PPP3CA: variants seen among roughly 807,000 people sequenced by gnomAD.
PPP3CA encodes protein phosphatase 3 catalytic subunit alpha, also known as CAM-PRP catalytic subunit.
A neutral mutation model predicts 66.5 loss-of-function variants in PPP3CA; 14 were observed. That is an observed-to-expected ratio of 0.21 (90% CI 0.14 to 0.33). The LOEUF (loss-of-function observed/expected upper bound fraction) is 0.33. Among genes scored for constraint, PPP3CA ranks in the 10% least tolerant of loss-of-function variants. The pLI, the probability that PPP3CA is intolerant of heterozygous loss-of-function variation, is 1.00. For synonymous variants in PPP3CA, 232 were observed against 226.2 expected, an observed-to-expected ratio of 1.03 and a Z score of -0.23; for missense variants, 317 against 639.5, an observed-to-expected ratio of 0.50 and a Z score of 5.44.
chr4:101,257,289 C>G (rs1726875156), intron 1 of PPP3CA, among the ~76,000 whole-genome samples: 1 of 149,664 alleles, frequency 6.7e-6, no homozygotes, highest in Non-Finnish European at 1.5e-5. Context: ...TACCTCCACC[C>G]TGGATTAGGG....
chr4:101,333,905 G>GT (rs1221409291), intron 1 of PPP3CA, among the ~76,000 whole-genome samples: 1 of 152,158 alleles, frequency 6.6e-6, no homozygotes, highest in African/African-American at 2.4e-5. Flanking sequence ...ACACTGGACA[G>GT]TAACCTTCAG....
intron 1 of PPP3CA, among the ~76,000 whole-genome samples, chr4:101,289,168 C>T (rs958628636): frequency 1.3e-5 from 2 of 152,092 alleles, no homozygotes; most frequent in African/African-American, 2.4e-5. Flanking sequence ...AAAGTTACAA[C>T]AAAAATAACT....
At chr4:101,266,876 T>C (rs991271999) in intron 1 of PPP3CA, among the ~76,000 whole-genome samples, 44 of 152,212 alleles carry the variant, frequency 2.9e-4, no homozygotes, top group Admixed American at 2.9e-3. Flanking sequence ...TCATTATTGA[T>C]TACTGATACT....
At chr4:101,172,566 CT>C (rs968737534) in intron 2 of PPP3CA, among the ~76,000 whole-genome samples, 23 of 152,228 alleles carry the variant, frequency 1.5e-4, no homozygotes, top group African/African-American at 5.1e-4. Flanking sequence ...ACTTTCCTTT[CT>C]TTTAAAATCT....
chr4:101,127,820 A>C (rs762966224), intron 2 of PPP3CA, among the ~76,000 whole-genome samples: 1 of 150,742 alleles, frequency 6.6e-6, no homozygotes, highest in Non-Finnish European at 1.5e-5. Context: ...TTTTGGATGA[A>C]ATAGTTCAAT....
intron 1 of PPP3CA, among the ~76,000 whole-genome samples, chr4:101,216,001 A>G (rs1004968587): frequency 6.6e-6 from 1 of 152,142 alleles, no homozygotes; most frequent in Admixed American, 6.6e-5. Flanking sequence ...AATTTGGAAC[A>G]TCTTGTATTA....
chr4:101,025,845 A>AAATTT lies in PPP3CA; in HGVS notation c.*19_*20insAAATT. On this transcript the variant is annotated 3_prime_UTR_variant, in exon 14 of 14. Coordinates refer to ENST00000394854, the MANE Select transcript of PPP3CA (RefSeq NM_000944.5). Reference sequence around the variant, plus strand: ...CAAAAAAAAAAAAAAAAAAAAAAAAAAAAAGTGAACAGGAAGTGGTCACTG... The same window carrying AAATTT: ...CAAAAAAAAAAAAAAAAAAAAAAAAAAATTTAAAAGTGAACAGGAAGTGGTCACTG... The AAATTT allele has an allele frequency of 7.0e-7, 1 of 1,428,964 alleles. No homozygotes were observed. Among genetic ancestry groups the AAATTT allele is most frequent in the Non-Finnish European group, 9.3e-7 (1 of 1,076,204 alleles). The allele number at this position is 1,428,964 out of a possible 1,614,324, so 88.5% of individuals were successfully genotyped here.
chr4:101,212,945 T>C (rs1184515113), intron 1 of PPP3CA, among the ~76,000 whole-genome samples: 2 of 152,142 alleles, frequency 1.3e-5, no homozygotes, highest in Admixed American at 1.3e-4. Flanking sequence ...ATAATCTATA[T>C]GTCTGGTTGG....
rs370212443 is a variant in PPP3CA, at chr4:101,061,067, C to G, written c.1156+20G>C. ...AATTATCTGGCAAATAGCATTAGCA[C>G]AAAGGCTCAAGCCTCTTACCATCAA... On this transcript the variant is annotated intron_variant, in intron 10 of 13. Coordinates refer to ENST00000394854, the MANE Select transcript of PPP3CA (RefSeq NM_000944.5). 63 of 1,596,356 alleles carry G rather than the reference C, an allele frequency of 3.9e-5. No individual in the cohort carries two copies. The African/African-American group carries it at 6.7e-4, about 17-fold the overall frequency.
intron 1 of PPP3CA, among the ~76,000 whole-genome samples, chr4:101,330,816 C>T (rs892489932): frequency 6.6e-6 from 1 of 152,056 alleles, no homozygotes; most frequent in African/African-American, 2.4e-5. Flanking sequence ...AGGGGAAAAA[C>T]TTAAGGTCCA....
At chr4:101,043,331 A>G (rs1727611994) in intron 10 of PPP3CA, among the ~76,000 whole-genome samples, 1 of 152,154 alleles carries the variant, frequency 6.6e-6, no homozygotes, top group Non-Finnish European at 1.5e-5. Context: ...TAAATTATGT[A>G]AAGCTGTGCT....
At chr4:101,043,649 C>T (rs953589674) in intron 10 of PPP3CA, among the ~76,000 whole-genome samples, 3 of 151,680 alleles carry the variant, frequency 2.0e-5, no homozygotes, top group Admixed American at 6.6e-5. Context: ...CTGAGGTGGG[C>T]GGATCACGAG....
intron 1 of PPP3CA, among the ~76,000 whole-genome samples, chr4:101,341,806 CA>C (rs1480346735): frequency 1.3e-5 from 2 of 152,132 alleles, no homozygotes; most frequent in Non-Finnish European, 2.9e-5. Flanking sequence ...AAAAAATTGA[CA>C]AAATGATTTT....
chr4:101,097,245 T>C (rs960948932), intron 5 of PPP3CA, among the ~76,000 whole-genome samples: 2 of 152,162 alleles, frequency 1.3e-5, no homozygotes, highest in African/African-American at 4.8e-5. Flanking sequence ...TTTAGAACAA[T>C]GTGACCAATT....
At chr4:101,312,026 A>C (rs1028351488) in intron 1 of PPP3CA, among the ~76,000 whole-genome samples, 7 of 152,222 alleles carry the variant, frequency 4.6e-5, no homozygotes, top group African/African-American at 1.4e-4. Flanking sequence ...ATAATAGTTG[A>C]CATTTAATGA....
At chr4:101,345,040 G>A (rs1376189726) in intron 1 of PPP3CA, among the ~76,000 whole-genome samples, 1 of 152,134 alleles carries the variant, frequency 6.6e-6, no homozygotes, top group Admixed American at 6.5e-5. Context: ...AATGTGAATG[G>A]ACTGTTTCCA....
At chr4:101,332,585 A>C (rs995458091) in intron 1 of PPP3CA, among the ~76,000 whole-genome samples, 2 of 152,212 alleles carry the variant, frequency 1.3e-5, no homozygotes, top group African/African-American at 4.8e-5. Context: ...GAAAATTACT[A>C]CTACTTCTAC....
chr4:101,053,115 A>T (rs1728081059), intron 10 of PPP3CA, among the ~76,000 whole-genome samples: 1 of 152,116 alleles, frequency 6.6e-6, no homozygotes, highest in Non-Finnish European at 1.5e-5. Flanking sequence ...ATTTGCTTTT[A>T]ATGAATACAC....
intron 10 of PPP3CA, among the ~76,000 whole-genome samples, chr4:101,043,772 G>A (rs1036562660): frequency 1.3e-5 from 2 of 152,080 alleles, no homozygotes; most frequent in Non-Finnish European, 2.9e-5. Flanking sequence ...CTACTCAGGA[G>A]GCTAAGGCAG....
Sources: gnomAD v4.1 joint callset for allele counts (sites outside exome capture counted in the v4.1 genomes callset) on GRCh38, gnomAD v4.1.1 for gene constraint, MANE v1.5 for transcripts, NCBI Gene and HGNC (gene_info 2026-07-23, HGNC 2026-07-21) for gene names.